The following CSMD1 variants were observed in gnomAD, a reference collection of about 807,000 sequenced individuals.
CSMD1 encodes CUB and sushi domain-containing protein 1.
Under a neutral mutation model 417.5 loss-of-function variants are expected in CSMD1, and 213 were observed. That is an observed-to-expected ratio of 0.51 (90% confidence interval 0.46 to 0.57). The LOEUF is 0.57. CSMD1 is among the 20% of genes least tolerant of loss of function. The probability of loss-of-function intolerance (pLI) is 0.00; values close to 1 mark genes in which losing one functional copy is unlikely to be tolerated. For synonymous variants in CSMD1, 2,862 were observed against 1,736.8 expected, an observed-to-expected ratio of 1.65 and a Z score of -16.11; for missense variants, 6,923 against 4,529.7, an observed-to-expected ratio of 1.53 and a Z score of -15.17.
Position 3,839,407 on chromosome 8 carries a change from A to G in CSMD1, c.819-85365T>C, listed in dbSNP as rs531871425. 1.1e-3 allele frequency among the ~76,000 whole-genome samples: 66 copies of G among 59,232 alleles called. No homozygotes were observed. In the East Asian group the frequency reaches 0.028, roughly 25 times the overall value. 38.9% of individuals were successfully genotyped at this position (59,232 alleles called of 152,430 possible). ...CAGTCTCCATATATATTTATATATA[A>G]TAAAAAATAAATATATATAATAAAT... On this transcript the variant is annotated intron_variant, in intron 5 of 69. Transcript: ENST00000635120.
intron 4 of CSMD1, among the ~76,000 whole-genome samples, chr8:4,012,276 C>G (rs1360041948): frequency 6.6e-6 from 1 of 152,114 alleles, no homozygotes; most frequent in Non-Finnish European, 1.5e-5. Context: ...GCCAGTTCTT[C>G]TGAGTCATCA....
At chr8:4,804,866 G>A (rs530028686) in intron 1 of CSMD1, among the ~76,000 whole-genome samples, 28 of 152,260 alleles carry the variant, frequency 1.8e-4, no homozygotes, top group Non-Finnish European at 3.4e-4. Flanking sequence ...TTGTCTAACA[G>A]CCTGTACCCA....
chr8:3,676,881 T>C (rs969893503), intron 7 of CSMD1, among the ~76,000 whole-genome samples: 4 of 152,212 alleles, frequency 2.6e-5, no homozygotes, highest in Non-Finnish European at 5.9e-5. Context: ...GAAACCATCA[T>C]TCTCAGCAAA....
intron 41 of CSMD1, among the ~76,000 whole-genome samples, chr8:3,132,561 C>T (rs942728378): frequency 3.9e-5 from 6 of 152,120 alleles, no homozygotes; most frequent in African/African-American, 1.4e-4. Flanking sequence ...GACACCACCC[C>T]AAAATATGAC....
At chr8:3,790,201 G>C (rs894425629) in intron 5 of CSMD1, among the ~76,000 whole-genome samples, 37 of 152,286 alleles carry the variant, frequency 2.4e-4, no homozygotes, top group African/African-American at 8.7e-4. Context: ...TGCATCTAGT[G>C]AATCAGTGCT....
At chr8:4,487,131 C>T (rs971984946) in intron 2 of CSMD1, among the ~76,000 whole-genome samples, 1 of 152,156 alleles carries the variant, frequency 6.6e-6, no homozygotes, top group Non-Finnish European at 1.5e-5. Flanking sequence ...ATATAAGGCA[C>T]TATTTCAAGC....
chr8:4,776,671 C>G (rs1385118540), intron 1 of CSMD1, among the ~76,000 whole-genome samples: 1 of 152,162 alleles, frequency 6.6e-6, no homozygotes, highest in Non-Finnish European at 1.5e-5. Context: ...AGTCAGGATT[C>G]TTTACCACAG....
At chr8:4,394,986 G>T (rs1430443) in intron 3 of CSMD1, among the ~76,000 whole-genome samples, 1 of 152,026 alleles carries the variant, frequency 6.6e-6, no homozygotes, top group Non-Finnish European at 1.5e-5. Flanking sequence ...TTAAGAAAGG[G>T]AAGAGGCACA....
In CSMD1 at chr8:3,918,926, G is replaced by C. The variant is rs1479131259; in HGVS notation, c.818+78977C>G. On this transcript the variant is annotated intron_variant, in intron 5 of 69. Coordinates refer to ENST00000635120, the MANE Select transcript of CSMD1 (RefSeq NM_033225.6). The stretch of plus-strand genomic sequence containing the variant: ...GATAAAAGACTACAAACTGGGTTCA[G>C]TGTGGGCTGCTCGGGTGATGGGTAC... Among the ~76,000 whole-genome samples the C allele has an allele frequency of 2.3e-5, 3 of 133,146 alleles. No individual in the cohort carries two copies. The South Asian group carries it at 7.2e-4, about 32-fold the overall frequency. The allele number at this position is 133,146 out of a possible 152,430, so 87.3% of individuals were successfully genotyped here.
At chr8:4,827,060 CA>C (rs1318528078) in intron 1 of CSMD1, among the ~76,000 whole-genome samples, 2 of 152,002 alleles carry the variant, frequency 1.3e-5, no homozygotes, top group African/African-American at 4.8e-5. Context: ...AGACTAAGAA[CA>C]GGGAAAAAAA....
At chr8:4,387,898 A>G (rs1803563262) in intron 3 of CSMD1, among the ~76,000 whole-genome samples, 1 of 152,154 alleles carries the variant, frequency 6.6e-6, no homozygotes, top group South Asian at 2.1e-4. Context: ...ATCTGCCAAG[A>G]TTATATAAAG....
Position 2,937,053 on chromosome 8 carries a change from T to C in CSMD1, c.*1532A>G, listed in dbSNP as rs150881801. On this transcript the variant is annotated 3_prime_UTR_variant, in exon 70 of 70. Coordinates refer to ENST00000635120, the MANE Select transcript of CSMD1 (RefSeq NM_033225.6). The stretch of plus-strand genomic sequence containing the variant: ...CAAAAATATTTTTATCAAATAAGTA[T>C]AAGTAAAAGTAAACATGATTTTCAC... The C allele has an allele frequency of 6.6e-6, 1 of 152,276 alleles. No individual in the cohort carries two copies. The highest frequency in any genetic ancestry group is 6.5e-5 in the Admixed American group (1 of 15,292). 9.4% of individuals were successfully genotyped at this position (152,276 alleles called of 1,614,324 possible).
chr8:3,982,952 AAAAC>A lies in CSMD1; in HGVS notation c.818+14947_818+14950del, dbSNP rs996169181. On this transcript the variant is annotated intron_variant, in intron 5 of 69. Coordinates refer to ENST00000635120, the MANE Select transcript of CSMD1 (RefSeq NM_033225.6). ...TATATGCACTTTGCAGATGAAAAAC[AAAAC>A]AAACAAACAAACAAACGACAAATAG... Among the ~76,000 whole-genome samples, 16 of 152,224 alleles carry A rather than the reference AAAAC, an allele frequency of 1.1e-4. 1 individual carries two copies. Among genetic ancestry groups the A allele is most frequent in the East Asian group, 1.9e-4 (1 of 5,174 alleles).
At chr8:4,806,780 T>A (rs554827844) in intron 1 of CSMD1, among the ~76,000 whole-genome samples, 1 of 152,114 alleles carries the variant, frequency 6.6e-6, no homozygotes, top group Non-Finnish European at 1.5e-5. Context: ...AAAAATCTAG[T>A]CCTGTGACAA....
rs57426363 is a variant in CSMD1 at position 4,048,021 on chromosome 8, G to A, written c.416-15922C>T. 8.4e-3 allele frequency among the ~76,000 whole-genome samples: 1,270 copies of A among 152,076 alleles called. 10 individuals are homozygous for A. The highest frequency in any genetic ancestry group is 0.017 in the African/African-American group (686 of 41,490). ...AAGTCTTTGTATGAGAGATCAAACCGTTTTGCCCACTAAAATGACATGTAG... is the reference window on the plus strand; with the variant it reads ...AAGTCTTTGTATGAGAGATCAAACCATTTTGCCCACTAAAATGACATGTAG... On this transcript the variant is annotated intron_variant, in intron 3 of 69. Transcript: ENST00000635120.
At chr8:4,241,305 C>G (rs947386020) in intron 3 of CSMD1, among the ~76,000 whole-genome samples, 1 of 152,190 alleles carries the variant, frequency 6.6e-6, no homozygotes, top group South Asian at 2.1e-4. Flanking sequence ...CCTGCTGTAA[C>G]CCCCTGGAAC....
At chr8:4,728,274 G>A (rs959174159) in intron 1 of CSMD1, among the ~76,000 whole-genome samples, 5 of 150,414 alleles carry the variant, frequency 3.3e-5, no homozygotes, top group Non-Finnish European at 5.9e-5. Context: ...ATATGATTTG[G>A]GTTGAAATAA....
chr8:3,533,890 A>G (rs964330515), intron 10 of CSMD1, among the ~76,000 whole-genome samples: 1 of 152,212 alleles, frequency 6.6e-6, no homozygotes, highest in East Asian at 1.9e-4. Flanking sequence ...TTTCAGATGT[A>G]TCAGCTCGTC....
chr8:3,954,855 C>T (rs1054270587), intron 5 of CSMD1, among the ~76,000 whole-genome samples: 7 of 152,218 alleles, frequency 4.6e-5, no homozygotes, highest in African/African-American at 1.7e-4. Flanking sequence ...CATGCATGTG[C>T]ATTGGAGTCT....
Sources: gnomAD v4.1 joint callset for allele counts (sites outside exome capture counted in the v4.1 genomes callset) on GRCh38, gnomAD v4.1.1 for gene constraint, MANE v1.5 for transcripts, NCBI Gene and HGNC (gene_info 2026-07-23, HGNC 2026-07-21) for gene names.